The following GMDS variants were observed in gnomAD, a reference collection of about 807,000 sequenced individuals.
GMDS encodes the protein GDP-mannose 4,6 dehydratase.
In GMDS, 20 loss-of-function variants were observed where a neutral mutation model predicts 49.9. The observed-to-expected ratio is 0.40, with a 90% confidence interval of 0.28 to 0.58. GMDS has a LOEUF of 0.58. Ranked by LOEUF, GMDS falls within the 20% of genes least tolerant of loss-of-function variation. The pLI, the probability that GMDS is intolerant of heterozygous loss-of-function variation, is 0.42. For missense variants in GMDS, 362 were observed against 481.4 expected (o/e 0.75, Z 2.32); for synonymous variants, 177 against 178.6 (o/e 0.99, Z 0.07).
intron 9 of GMDS, among the ~76,000 whole-genome samples, chr6:1,630,221 A>G (rs1007992746): frequency 3.3e-5 from 5 of 152,270 alleles, no homozygotes; most frequent in Admixed American, 2.6e-4. Flanking sequence ...CAAAGTTTTA[A>G]AACATATTCT....
chr6:1,784,389 T>G (rs1769230263), intron 7 of GMDS, among the ~76,000 whole-genome samples: 1 of 49,910 alleles, frequency 2.0e-5, no homozygotes, highest in African/African-American at 8.4e-5. Context: ...AAGACTCGTC[T>G]CAAAAAAAAA....
At position 1,640,649 on chromosome 6, in the gene GMDS, G is replaced by T. The variant is rs1763301083; in HGVS notation, c.988-16109C>A. Reference sequence around the variant, plus strand: ...CTCAGGTGTGGTTCCAGAGCACATGGAATGTGCCCTTGCATCCCCACAGCG... The same window carrying T: ...CTCAGGTGTGGTTCCAGAGCACATGTAATGTGCCCTTGCATCCCCACAGCG... On this transcript the variant is annotated intron_variant, in intron 9 of 10. Coordinates refer to ENST00000380815, the MANE Select transcript of GMDS (RefSeq NM_001500.4). The surrounding 1 kb of genome is among the most constrained non-coding windows in gnomAD (Gnocchi z 4.0). Among the ~76,000 whole-genome samples the T allele has an allele frequency of 6.6e-6, 1 of 152,192 alleles. No homozygotes were observed. The highest frequency in any genetic ancestry group is 1.5e-5 in the Non-Finnish European group (1 of 68,034).
intron 9 of GMDS, among the ~76,000 whole-genome samples, chr6:1,634,596 A>G (rs193273767): frequency 2.0e-4 from 30 of 151,968 alleles, no homozygotes; most frequent in Admixed American, 1.6e-3. Context: ...CTCACTTTGA[A>G]CTCCATCCTT....
chr6:1,753,096 G>C (rs528392397), intron 7 of GMDS, among the ~76,000 whole-genome samples: 2 of 152,264 alleles, frequency 1.3e-5, no homozygotes, highest in East Asian at 1.9e-4. Context: ...TGGCAAACTG[G>C]ATAAAGAGTC....
intron 9 of GMDS, among the ~76,000 whole-genome samples, chr6:1,707,147 C>G (rs2113380601): frequency 6.6e-6 from 1 of 152,244 alleles, no homozygotes; most frequent in South Asian, 2.1e-4. Flanking sequence ...GTTGCTTACC[C>G]AAAATTTCAA....
At chr6:2,063,731 C>T (rs182886095) in intron 4 of GMDS, among the ~76,000 whole-genome samples, 1 of 152,190 alleles carries the variant, frequency 6.6e-6, no homozygotes, top group East Asian at 1.9e-4. Flanking sequence ...TTCGTGGAGC[C>T]CAAGGTCTCG....
chr6:2,146,011 A>G (rs1300527501), intron 1 of GMDS, among the ~76,000 whole-genome samples: 1 of 152,256 alleles, frequency 6.6e-6, no homozygotes, highest in East Asian at 1.9e-4. Flanking sequence ...CAGGTATGTC[A>G]TAGAAGACAA....
chr6:1,914,695 G>A (rs1761283000), intron 7 of GMDS, among the ~76,000 whole-genome samples: 1 of 152,152 alleles, frequency 6.6e-6, no homozygotes, highest in Admixed American at 6.5e-5. Flanking sequence ...ACTGCACCAG[G>A]CACTGGGCCT....
At chr6:1,888,714 A>G (rs1759732884) in intron 7 of GMDS, among the ~76,000 whole-genome samples, 1 of 152,206 alleles carries the variant, frequency 6.6e-6, no homozygotes, top group Admixed American at 6.5e-5. Context: ...CCAAAGTCTC[A>G]TATGAGACAA....
chr6:2,206,654 T>C (rs892235769), intron 1 of GMDS, among the ~76,000 whole-genome samples: 13 of 152,312 alleles, frequency 8.5e-5, no homozygotes, highest in Middle Eastern at 3.4e-3. Flanking sequence ...TCTTAAACTT[T>C]AGGCTGCATC....
chr6:2,155,081 A>G (rs1385013784), intron 1 of GMDS, among the ~76,000 whole-genome samples: 1 of 152,118 alleles, frequency 6.6e-6, no homozygotes, highest in Non-Finnish European at 1.5e-5. Context: ...TTTTTTATAT[A>G]CATTTCCCAT....
At chr6:1,765,435 A>G (rs1234099988) in intron 7 of GMDS, among the ~76,000 whole-genome samples, 1 of 152,174 alleles carries the variant, frequency 6.6e-6, no homozygotes, top group Non-Finnish European at 1.5e-5. Context: ...TCGAGCAGAT[A>G]AGAAGGCGCT....
chr6:2,052,162 T>C (rs1211711009), intron 4 of GMDS, among the ~76,000 whole-genome samples: 1 of 137,760 alleles, frequency 7.3e-6, no homozygotes, highest in African/African-American at 2.7e-5. Flanking sequence ...AAAAATAGGC[T>C]AAAATCTCCT....
chr6:2,086,263 A>G (rs1300279110), intron 4 of GMDS, among the ~76,000 whole-genome samples: 1 of 152,208 alleles, frequency 6.6e-6, no homozygotes, highest in Admixed American at 6.5e-5. Flanking sequence ...ACTGACCTAG[A>G]GGCTGGCAGT....
intron 7 of GMDS, among the ~76,000 whole-genome samples, chr6:1,816,224 G>C (rs1770666619): frequency 6.6e-6 from 1 of 152,158 alleles, no homozygotes; most frequent in African/African-American, 2.4e-5. Context: ...CTGTGTGCTT[G>C]GCAACATCCC....
intron 7 of GMDS, among the ~76,000 whole-genome samples, chr6:1,892,555 C>T (rs1561869092): frequency 6.6e-6 from 1 of 152,116 alleles, no homozygotes; most frequent in African/African-American, 2.4e-5. Flanking sequence ...AATGGGGTTT[C>T]ACCACATTGG....
intron 6 of GMDS, among the ~76,000 whole-genome samples, chr6:1,956,171 G>A (rs577449361): frequency 7.1e-4 from 108 of 152,252 alleles, no homozygotes; most frequent in Admixed American, 9.8e-4. Context: ...AAGTTTTCTC[G>A]AATGTTGAGG....
intron 9 of GMDS, among the ~76,000 whole-genome samples, chr6:1,719,904 A>G (rs1581504159): frequency 6.6e-6 from 1 of 152,338 alleles, no homozygotes; most frequent in East Asian, 1.9e-4. Flanking sequence ...AGTCTGCATT[A>G]TGATTATAAA....
chr6:2,162,099 A>G (rs1344963317), intron 1 of GMDS, among the ~76,000 whole-genome samples: 1 of 152,244 alleles, frequency 6.6e-6, no homozygotes, highest in Non-Finnish European at 1.5e-5. Flanking sequence ...AGGTCACTGC[A>G]TTCATAGACA....
Sources: gnomAD v4.1 joint callset for allele counts (sites outside exome capture counted in the v4.1 genomes callset) on GRCh38, gnomAD v4.1.1 for gene constraint, Gnocchi (gnomAD v3.1) non-coding constraint, MANE v1.5 for transcripts, NCBI Gene and HGNC (gene_info 2026-07-23, HGNC 2026-07-21) for gene names.